The following CCDC167 variants were observed in gnomAD, a reference collection of about 807,000 sequenced individuals.
CCDC167 encodes the protein coiled-coil domain containing 167.
CCDC167 carries 15 observed loss-of-function variants against 12.7 expected under a neutral mutation model. That is an observed-to-expected ratio of 1.18 (90% CI 0.79 to 1.81). The LOEUF is 1.81. Among genes scored for constraint, CCDC167 ranks in the 40% most tolerant of loss-of-function variants. The probability of loss-of-function intolerance (pLI) is 0.00; values close to 1 mark genes in which losing one functional copy is unlikely to be tolerated. For synonymous variants in CCDC167, 52 were observed against 49.0 expected, an observed-to-expected ratio of 1.06 and a Z score of -0.26; for missense variants, 121 against 120.1, an observed-to-expected ratio of 1.01 and a Z score of -0.03.
chr6:37,485,338 TC>T (rs1761929322), intron 1 of CCDC167, 144 bp from the exon 2 acceptor site: 2 of 640,588 alleles, frequency 3.1e-6, no homozygotes, highest in South Asian at 3.7e-5. Flanking sequence ...AGGCCTGTCT[TC>T]CCTGGAGTGT....
chr6:37,492,548 C>T (rs1006081110), intron 1 of CCDC167, among the ~76,000 whole-genome samples: 1 of 152,230 alleles, frequency 6.6e-6, no homozygotes, highest in East Asian at 1.9e-4. Context: ...CTCCAAAATT[C>T]ACACAAAACA....
intron 1 of CCDC167, among the ~76,000 whole-genome samples, chr6:37,487,249 C>A (rs1005710639): frequency 6.6e-6 from 1 of 152,172 alleles, no homozygotes; most frequent in African/African-American, 2.4e-5. Context: ...GGCAGAGGCC[C>A]GAGTCTAAAG....
At chr6:37,488,427 T>C (rs1231615102) in intron 1 of CCDC167, among the ~76,000 whole-genome samples, 1 of 152,242 alleles carries the variant, frequency 6.6e-6, no homozygotes, top group Non-Finnish European at 1.5e-5. Flanking sequence ...GAGGCAAATG[T>C]GCAGTCGTTG....
chr6:37,496,660 C>G (rs1762102235), intron 1 of CCDC167, among the ~76,000 whole-genome samples: 1 of 152,186 alleles, frequency 6.6e-6, no homozygotes, highest in African/African-American at 2.4e-5. Context: ...GATTACCAAT[C>G]CGGTGCCAGG....
chr6:37,499,831 G>A lies in CCDC167; in HGVS notation c.33C>T (p.Val11=), dbSNP rs373352221. 2.4e-5 allele frequency: 39 copies of A among 1,613,980 alleles called. No homozygotes were observed. Among genetic ancestry groups the A allele is most frequent in the East Asian group, 2.2e-5 (1 of 44,886 alleles). ...CCACTTTTCCCCTCACCTCTAGAGC[G>A]ACGCCCAGATTCTCCCGCTTCTTTT... The part of the protein sequence containing the change: MTKKKRENLG[V]ALEIDGLEEK... Residue 11 remains valine (V), a synonymous_variant, in exon 1 of 4, where the codon GTC becomes GTT. Transcript: ENST00000373408.
At chr6:37,499,518 C>T (rs2113912431) in intron 1 of CCDC167, among the ~76,000 whole-genome samples, 1 of 152,126 alleles carries the variant, frequency 6.6e-6, no homozygotes, top group African/African-American at 2.4e-5. Flanking sequence ...TCTGTGTCCC[C>T]CGCTTTGAGT....
intron 1 of CCDC167, 106 bp from the exon 2 acceptor site, chr6:37,485,300 C>A (rs537588863): frequency 2.3e-6 from 2 of 857,226 alleles, no homozygotes; most frequent in South Asian, 3.0e-5. Flanking sequence ...GGTGTTCCCC[C>A]CATTCGTTTT....
At chr6:37,489,173 C>T (rs2113906342) in intron 1 of CCDC167, among the ~76,000 whole-genome samples, 1 of 151,934 alleles carries the variant, frequency 6.6e-6, no homozygotes. Flanking sequence ...GGGGTGGAGG[C>T]TGCAGTGAGC....
chr6:37,493,465 G>A (rs1458968120), intron 1 of CCDC167, among the ~76,000 whole-genome samples: 1 of 152,222 alleles, frequency 6.6e-6, no homozygotes, highest in Non-Finnish European at 1.5e-5. Flanking sequence ...CACACACGCC[G>A]CCATCCAGCC....
Position 37,483,292 on chromosome 6 carries a change from G to T in CCDC167, c.191-3C>A. On this transcript the variant is annotated splice_polypyrimidine_tract_variant and splice_region_variant and intron_variant, in intron 3 of 3. Transcript: ENST00000373408. ...CCGAAGAAACTTCAGTTCCTTCTCT[G>T]GGAGGAAAGAGGGTGATAGGGATAG... The T allele has an allele frequency of 1.2e-6, 2 of 1,607,214 alleles. No individual in the cohort carries two copies. Among genetic ancestry groups the T allele is most frequent in the East Asian group, 2.2e-5 (1 of 44,848 alleles).
intron 1 of CCDC167, among the ~76,000 whole-genome samples, chr6:37,492,100 G>A (rs1383438895): frequency 6.6e-6 from 1 of 152,240 alleles, no homozygotes; most frequent in African/African-American, 2.4e-5. Flanking sequence ...AGAGGTGCAA[G>A]CTCCCTTGCA....
chr6:37,485,692 A>T (rs1761933644), intron 1 of CCDC167, among the ~76,000 whole-genome samples: 3 of 152,254 alleles, frequency 2.0e-5, no homozygotes, highest in African/African-American at 7.2e-5. Flanking sequence ...TAGGGGCAAC[A>T]CAGAGGTGTT....
Position 37,483,351 on chromosome 6 carries a change from C to CCT in CCDC167, c.191-64_191-63dup, listed in dbSNP as rs1223383023. On this transcript the variant is annotated intron_variant, in intron 3 of 3. Transcript: ENST00000373408. ...GTTTAGGCCCGTCTGTTCTGCTCTGCCTCTCCAACGAGTGGGTACACACTG... is the reference window on the plus strand; with the variant it reads ...GTTTAGGCCCGTCTGTTCTGCTCTGCCTCTCTCCAACGAGTGGGTACACACTG... 2.5e-4 allele frequency: 278 copies of CCT among 1,131,556 alleles called. 1 individual carries two copies. Among genetic ancestry groups the CCT allele is most frequent in the Non-Finnish European group, 1.2e-4 (87 of 743,338 alleles). The allele number at this position is 1,131,556 out of a possible 1,614,324, so 70.1% of individuals were successfully genotyped here.
At chr6:37,484,052 G>A (rs968626155) in intron 3 of CCDC167, among the ~76,000 whole-genome samples, 12 of 152,212 alleles carry the variant, frequency 7.9e-5, no homozygotes, top group African/African-American at 2.9e-4. Flanking sequence ...GCTGCTCTGG[G>A]CAGGCCAGAC....
intron 1 of CCDC167, among the ~76,000 whole-genome samples, chr6:37,487,566 G>A (rs1239590076): frequency 6.6e-6 from 1 of 152,228 alleles, no homozygotes; most frequent in East Asian, 1.9e-4. Context: ...AACAGTCCTT[G>A]AGCCAGGCCT....
intron 1 of CCDC167, among the ~76,000 whole-genome samples, chr6:37,495,776 T>G (rs533815049): frequency 6.6e-6 from 1 of 152,278 alleles, no homozygotes; most frequent in South Asian, 2.1e-4. Context: ...CACTCACTTG[T>G]GGGGGTTTTA....
rs918936927 is a variant in CCDC167 at position 37,484,665 on chromosome 6, A to C, written c.190+145T>G. On this transcript the variant is annotated intron_variant, in intron 3 of 3. Coordinates refer to ENST00000373408, the MANE Select transcript of CCDC167 (RefSeq NM_138493.3). ...TCTCCCGCAGGCTGCTGGACCTAGCAGGGGTGTCTGCAGCCTCTGGGGGCT... is the reference window on the plus strand; with the variant it reads ...TCTCCCGCAGGCTGCTGGACCTAGCCGGGGTGTCTGCAGCCTCTGGGGGCT... 3 of 856,192 alleles carry C rather than the reference A, an allele frequency of 3.5e-6. No homozygotes were observed. The Admixed American group carries it at 6.4e-5, about 18-fold the overall frequency. 53.0% of individuals were successfully genotyped at this position (856,192 alleles called of 1,614,324 possible).
intron 1 of CCDC167, among the ~76,000 whole-genome samples, chr6:37,486,881 C>T (rs1761948782): frequency 1.3e-5 from 2 of 152,026 alleles, no homozygotes; most frequent in South Asian, 4.2e-4. Flanking sequence ...GCAGCACCCC[C>T]AGCACACAGC....
intron 1 of CCDC167, among the ~76,000 whole-genome samples, chr6:37,495,066 C>T (rs1025585077): frequency 6.6e-6 from 1 of 152,146 alleles, no homozygotes; most frequent in South Asian, 2.1e-4. Context: ...TCCCAAAATA[C>T]TGGGATTACA....
Sources: gnomAD v4.1 joint callset for allele counts (sites outside exome capture counted in the v4.1 genomes callset) on GRCh38, gnomAD v4.1.1 for gene constraint, MANE v1.5 for transcripts, NCBI Gene and HGNC (gene_info 2026-07-23, HGNC 2026-07-21) for gene names.